The following SLC24A3 variants were observed in gnomAD, a reference collection of about 807,000 sequenced individuals.
SLC24A3 encodes the protein sodium/potassium/calcium exchanger 3.
A neutral mutation model predicts 75.8 loss-of-function variants in SLC24A3; 28 were observed. The ratio of observed to expected loss-of-function variants is 0.37; its 90% CI spans 0.27 to 0.51. The LOEUF is 0.51. SLC24A3 is among the 20% of genes least tolerant of loss of function. The probability of loss-of-function intolerance (pLI) is 0.94; values close to 1 mark genes in which losing one functional copy is unlikely to be tolerated. For missense variants in SLC24A3, 663 were observed against 847.8 expected, an observed-to-expected ratio of 0.78 and a Z score of 2.71; for synonymous variants, 372 against 334.1, an observed-to-expected ratio of 1.11 and a Z score of -1.24.
At chr20:19,640,439 T>A (rs1179387158) in intron 6 of SLC24A3, among the ~76,000 whole-genome samples, 1 of 152,206 alleles carries the variant, frequency 6.6e-6, no homozygotes, top group Admixed American at 6.5e-5. Context: ...TGATTTTTTT[T>A]AACTGTAATT....
intron 6 of SLC24A3, among the ~76,000 whole-genome samples, chr20:19,591,880 T>A (rs748114617): frequency 4.6e-5 from 7 of 152,230 alleles, no homozygotes; most frequent in Non-Finnish European, 1.0e-4. Context: ...ATGTCTGCTT[T>A]CCCTGGGCTG....
intron 2 of SLC24A3, among the ~76,000 whole-genome samples, chr20:19,456,847 C>G (rs1008322219): frequency 6.6e-6 from 1 of 152,198 alleles, no homozygotes; most frequent in African/African-American, 2.4e-5. Flanking sequence ...AGTCACCACC[C>G]TGGGCTTATT....
chr20:19,678,898 C>T (rs1347413545), intron 9 of SLC24A3, among the ~76,000 whole-genome samples: 1 of 150,844 alleles, frequency 6.6e-6, no homozygotes, highest in Non-Finnish European at 1.5e-5. Flanking sequence ...TCCTCACATC[C>T]GAAACGGAGC....
At chr20:19,257,564 G>T (rs1204205748) in intron 1 of SLC24A3, 1 of 152,154 alleles carries the variant, frequency 6.6e-6, no homozygotes, top group Non-Finnish European at 1.5e-5. Context: ...GATGATGTTG[G>T]GAAGCATCTT....
chr20:19,371,241 G>A (rs1388588652), intron 2 of SLC24A3, among the ~76,000 whole-genome samples: 3 of 152,152 alleles, frequency 2.0e-5, no homozygotes, highest in African/African-American at 7.2e-5. Flanking sequence ...TGGGAGGTAG[G>A]GGAGGATGCT....
chr20:19,405,407 T>C (rs1311741367), intron 2 of SLC24A3, among the ~76,000 whole-genome samples: 1 of 152,208 alleles, frequency 6.6e-6, no homozygotes, highest in Admixed American at 6.5e-5. Context: ...GGAAAAAAGA[T>C]TAGTGTTTGA....
At chr20:19,237,244 A>G (rs182873869) in intron 1 of SLC24A3, among the ~76,000 whole-genome samples, 2 of 152,228 alleles carry the variant, frequency 1.3e-5, no homozygotes, top group Non-Finnish European at 2.9e-5. Flanking sequence ...GAATTTCAGC[A>G]CCTGGTGCTC....
chr20:19,522,122 C>CA (rs2030110454), intron 3 of SLC24A3, among the ~76,000 whole-genome samples: 1 of 152,162 alleles, frequency 6.6e-6, no homozygotes, highest in South Asian at 2.1e-4. Flanking sequence ...GAGGAGCTAA[C>CA]TTTTTTTTAA....
chr20:19,355,704 G>A (rs1364287144), intron 2 of SLC24A3, among the ~76,000 whole-genome samples: 1 of 152,218 alleles, frequency 6.6e-6, no homozygotes, highest in African/African-American at 2.4e-5. Context: ...TGGTGGTGAA[G>A]GAATGTATAT....
intron 3 of SLC24A3, among the ~76,000 whole-genome samples, chr20:19,554,373 G>A (rs963742287): frequency 7.2e-5 from 11 of 152,118 alleles, no homozygotes; most frequent in South Asian, 4.2e-4. Flanking sequence ...TGTAGCTCAC[G>A]TGATAGTTCT....
intron 1 of SLC24A3, among the ~76,000 whole-genome samples, chr20:19,249,251 T>C (rs1463995577): frequency 6.6e-6 from 1 of 152,186 alleles, no homozygotes; most frequent in Non-Finnish European, 1.5e-5. Flanking sequence ...GTTTGAACAG[T>C]GCTTATGATG....
chr20:19,427,624 G>A (rs1987033717), intron 2 of SLC24A3, among the ~76,000 whole-genome samples: 2 of 152,204 alleles, frequency 1.3e-5, no homozygotes, highest in South Asian at 2.1e-4. Flanking sequence ...TCGGGAACCC[G>A]GAGTCCATTC....
At chr20:19,657,323 C>G (rs2122713134) in intron 7 of SLC24A3, among the ~76,000 whole-genome samples, 1 of 152,324 alleles carries the variant, frequency 6.6e-6, no homozygotes, top group South Asian at 2.1e-4. Context: ...ACCCAGGATG[C>G]CTATTTAGTT....
intron 6 of SLC24A3, among the ~76,000 whole-genome samples, chr20:19,647,283 A>T (rs1600319900): frequency 2.6e-5 from 4 of 152,236 alleles, no homozygotes; most frequent in Admixed American, 2.6e-4. Flanking sequence ...TCTCCTAACA[A>T]TTATCCTAGA....
chr20:19,404,429 T>A (rs573751141), intron 2 of SLC24A3, among the ~76,000 whole-genome samples: 29 of 152,226 alleles, frequency 1.9e-4, no homozygotes, highest in Admixed American at 1.0e-3. Context: ...GAAAAGCAAA[T>A]GGGCAGTGAG....
intron 2 of SLC24A3, among the ~76,000 whole-genome samples, chr20:19,397,642 CTT>C (rs1165417105): frequency 2.2e-5 from 2 of 89,938 alleles, no homozygotes; most frequent in Non-Finnish European, 2.1e-5. Context: ...CTTTTTTTTT[CTT>C]TTCTTTTTTT....
intron 1 of SLC24A3, among the ~76,000 whole-genome samples, chr20:19,234,789 A>G (rs950727759): frequency 2.0e-5 from 3 of 152,204 alleles, no homozygotes; most frequent in Non-Finnish European, 4.4e-5. Flanking sequence ...GATAATGGCT[A>G]TCATTTCTGT....
chr20:19,394,809 T>C (rs1390803725), intron 2 of SLC24A3, among the ~76,000 whole-genome samples: 1 of 152,202 alleles, frequency 6.6e-6, no homozygotes, highest in African/African-American at 2.4e-5. Context: ...AACAGTATGG[T>C]AATTCCTCAA....
At chr20:19,573,015 GA>G (rs2031077626) in intron 3 of SLC24A3, among the ~76,000 whole-genome samples, 1 of 152,130 alleles carries the variant, frequency 6.6e-6, no homozygotes, top group Non-Finnish European at 1.5e-5. Flanking sequence ...TTAAGATTTA[GA>G]ACAATTTCCA....
Sources: gnomAD v4.1 joint callset for allele counts (sites outside exome capture counted in the v4.1 genomes callset) on GRCh38, gnomAD v4.1.1 for gene constraint, MANE v1.5 for transcripts, NCBI Gene and HGNC (gene_info 2026-07-23, HGNC 2026-07-21) for gene names.